The following GMDS variants were observed in gnomAD, a reference collection of about 807,000 sequenced individuals.
GMDS encodes the protein GDP-mannose 4,6-dehydratase, also known as GDP-mannose 4,6 dehydratase.
A neutral mutation model predicts 49.9 loss-of-function variants in GMDS; 20 were observed. That is an observed-to-expected ratio of 0.40 (90% confidence interval 0.28 to 0.58). The LOEUF (loss-of-function observed/expected upper bound fraction) is 0.58, where lower values mean the gene tolerates loss of function less well. Among genes scored for constraint, GMDS ranks in the 20% least tolerant of loss-of-function variants. The pLI, the probability that GMDS is intolerant of heterozygous loss-of-function variation, is 0.42. For synonymous variants in GMDS, 177 were observed against 178.6 expected (o/e 0.99, Z 0.07); for missense variants, 362 against 481.4 (o/e 0.75, Z 2.32).
At chr6:2,217,647 C>T (rs892432379) in intron 1 of GMDS, among the ~76,000 whole-genome samples, 2 of 152,148 alleles carry the variant, frequency 1.3e-5, no homozygotes, top group African/African-American at 4.8e-5. Context: ...ATTAAACTTG[C>T]AAACATCTTA....
At chr6:1,874,398 C>T (rs2113809048) in intron 7 of GMDS, among the ~76,000 whole-genome samples, 1 of 152,120 alleles carries the variant, frequency 6.6e-6, no homozygotes, top group Admixed American at 6.5e-5. Context: ...TATCAAAATC[C>T]CATGTATTAT....
intron 9 of GMDS, among the ~76,000 whole-genome samples, chr6:1,713,235 C>G (rs1269751836): frequency 2.6e-5 from 4 of 152,240 alleles, no homozygotes; most frequent in African/African-American, 9.6e-5. Flanking sequence ...CCATTAAAAC[C>G]ATTCCCTTGG....
intron 4 of GMDS, among the ~76,000 whole-genome samples, chr6:2,037,981 G>C (rs1769404146): frequency 6.6e-6 from 1 of 152,138 alleles, no homozygotes; most frequent in African/African-American, 2.4e-5. Flanking sequence ...ACTATTCCCT[G>C]CCACAATATC....
chr6:1,917,102 T>TGG (rs1266358244), intron 7 of GMDS, among the ~76,000 whole-genome samples: 1 of 151,888 alleles, frequency 6.6e-6, no homozygotes, highest in Middle Eastern at 3.2e-3. Context: ...CACACTGGAG[T>TGG]GGTTTCACAG....
chr6:1,693,836 T>C (rs1765251776), intron 9 of GMDS, among the ~76,000 whole-genome samples: 4 of 152,354 alleles, frequency 2.6e-5, no homozygotes, highest in South Asian at 4.1e-4. Context: ...ACGTGCTATG[T>C]ACCCTCCAAG....
chr6:2,129,225 C>T (rs1211313247), intron 1 of GMDS, among the ~76,000 whole-genome samples: 1 of 152,092 alleles, frequency 6.6e-6, no homozygotes, highest in Non-Finnish European at 1.5e-5. Context: ...TCAATGACCA[C>T]AGATGGCTAA....
chr6:1,793,733 T>C (rs1177207216), intron 7 of GMDS, among the ~76,000 whole-genome samples: 1 of 152,200 alleles, frequency 6.6e-6, no homozygotes, highest in Non-Finnish European at 1.5e-5. Context: ...TATGGTCACC[T>C]GGAATTCTGG....
intron 4 of GMDS, among the ~76,000 whole-genome samples, chr6:2,070,914 G>C (rs1230015080): frequency 6.6e-6 from 1 of 152,078 alleles, no homozygotes; most frequent in East Asian, 1.9e-4. Flanking sequence ...TGGCTCTCCT[G>C]GTCTTTATCT....
chr6:1,897,961 C>CT (rs2113852931), intron 7 of GMDS, among the ~76,000 whole-genome samples: 3 of 119,454 alleles, frequency 2.5e-5, no homozygotes, highest in African/African-American at 9.1e-5. Flanking sequence ...GCCACCCTTG[C>CT]CATCCTGGAC....
intron 1 of GMDS, among the ~76,000 whole-genome samples, chr6:2,142,149 T>C (rs1314445836): frequency 6.6e-6 from 1 of 152,174 alleles, no homozygotes; most frequent in Non-Finnish European, 1.5e-5. Context: ...TTTTACGTTT[T>C]TGTCCCTAGG....
chr6:2,205,791 G>T (rs1165695156), intron 1 of GMDS, among the ~76,000 whole-genome samples: 1 of 152,096 alleles, frequency 6.6e-6, no homozygotes, highest in Non-Finnish European at 1.5e-5. Context: ...GGGGAGGGGG[G>T]TGTTGTAGGC....
intron 1 of GMDS, among the ~76,000 whole-genome samples, chr6:2,136,906 C>CAAAAAAA (rs3049649): frequency 1.6e-5 from 2 of 127,964 alleles, no homozygotes; most frequent in Non-Finnish European, 3.3e-5. Flanking sequence ...TCATTTCAAA[C>CAAAAAAA]AAAAAAAAAA....
intron 7 of GMDS, among the ~76,000 whole-genome samples, chr6:1,877,976 G>A (rs904903289): frequency 6.6e-6 from 1 of 152,128 alleles, no homozygotes; most frequent in African/African-American, 2.4e-5. Flanking sequence ...TACATCCTTG[G>A]TATGAGGAGA....
chr6:1,734,284 G>A (rs1211754814), intron 8 of GMDS, among the ~76,000 whole-genome samples: 1 of 152,196 alleles, frequency 6.6e-6, no homozygotes, highest in Non-Finnish European at 1.5e-5. Flanking sequence ...CACAAAAAAT[G>A]TGAAATTTAA....
chr6:1,793,887 T>C (rs1212329730), intron 7 of GMDS, among the ~76,000 whole-genome samples: 6 of 152,210 alleles, frequency 3.9e-5, no homozygotes. Flanking sequence ...GAAATGTTTG[T>C]ACTCAGTTTA....
chr6:1,746,494 A>G (rs1767501139), intron 7 of GMDS, among the ~76,000 whole-genome samples: 1 of 152,176 alleles, frequency 6.6e-6, no homozygotes, highest in African/African-American at 2.4e-5. Context: ...CAGTTTTCAA[A>G]TCATGTCTTG....
At chr6:1,991,442 G>T (rs1765932675) in intron 4 of GMDS, among the ~76,000 whole-genome samples, 1 of 152,114 alleles carries the variant, frequency 6.6e-6, no homozygotes, top group South Asian at 2.1e-4. Context: ...CTGCTTGGCT[G>T]CTTCCCTTCT....
intron 7 of GMDS, among the ~76,000 whole-genome samples, chr6:1,923,018 G>T (rs978495182): frequency 6.6e-6 from 1 of 152,128 alleles, no homozygotes; most frequent in Non-Finnish European, 1.5e-5. Flanking sequence ...TTTAAAAGGG[G>T]AACCCCTTTC....
chr6:1,694,518 T>C (rs1259355060), intron 9 of GMDS, among the ~76,000 whole-genome samples: 5 of 152,234 alleles, frequency 3.3e-5, no homozygotes, highest in Non-Finnish European at 4.4e-5. Context: ...CTTTTGCTAC[T>C]TCTTATATGC....
Sources: allele counts gnomAD v4.1 joint callset (sites outside exome capture counted in the v4.1 genomes callset), GRCh38; gene constraint gnomAD v4.1.1; transcripts MANE v1.5; gene names NCBI Gene and HGNC (gene_info 2026-07-23, HGNC 2026-07-21).